The following NOVA1 variants were observed in gnomAD, a reference collection of about 807,000 sequenced individuals.
The protein encoded by NOVA1 is RNA-binding protein Nova-1.
Under a neutral mutation model 38.0 loss-of-function variants are expected in NOVA1, and 7 were observed. The ratio of observed to expected loss-of-function variants is 0.18; its 90% CI spans 0.10 to 0.35. NOVA1 has a LOEUF of 0.35. Ranked by LOEUF, NOVA1 falls within the 10% of genes least tolerant of loss-of-function variation. The pLI, the probability that NOVA1 is intolerant of heterozygous loss-of-function variation, is 1.00. For synonymous variants in NOVA1, 270 were observed against 232.5 expected, an observed-to-expected ratio of 1.16 and a Z score of -1.47; for missense variants, 460 against 616.0, an observed-to-expected ratio of 0.75 and a Z score of 2.68.
At chr14:26,527,836 AC>A (rs1889413665) in intron 2 of NOVA1, among the ~76,000 whole-genome samples, 1 of 152,204 alleles carries the variant, frequency 6.6e-6, no homozygotes, top group South Asian at 2.1e-4. Flanking sequence ...GAGTAAAACT[AC>A]CCAGCAGTGA....
chr14:26,553,625 G>T (rs1013767362), intron 2 of NOVA1, among the ~76,000 whole-genome samples: 1 of 152,140 alleles, frequency 6.6e-6, no homozygotes, highest in Non-Finnish European at 1.5e-5. Context: ...CTCTGCAAAA[G>T]CAAAGAGTGT....
intron 4 of NOVA1, among the ~76,000 whole-genome samples, chr14:26,462,012 C>T (rs1044825000): frequency 1.3e-5 from 2 of 152,004 alleles, no homozygotes; most frequent in African/African-American, 4.8e-5. Context: ...AAGAGAACCT[C>T]TAACTGTATT....
intron 2 of NOVA1, among the ~76,000 whole-genome samples, chr14:26,552,838 A>AT: frequency 6.6e-6 from 1 of 151,664 alleles, no homozygotes; most frequent in East Asian, 2.0e-4. Context: ...ACTTAAATGA[A>AT]GAATGAATGA....
chr14:26,458,753 C>A (rs1685783164), intron 4 of NOVA1, among the ~76,000 whole-genome samples: 1 of 151,946 alleles, frequency 6.6e-6, no homozygotes, highest in South Asian at 2.1e-4. Flanking sequence ...CACCAAACCT[C>A]AACGACATGC....
At chr14:26,535,612 T>C (rs1890008749) in intron 2 of NOVA1, among the ~76,000 whole-genome samples, 1 of 152,066 alleles carries the variant, frequency 6.6e-6, no homozygotes, top group Admixed American at 6.5e-5. Context: ...TTATAGTATA[T>C]ATGATTATTC....
intron 2 of NOVA1, among the ~76,000 whole-genome samples, chr14:26,579,835 A>G (rs1893100450): frequency 6.6e-6 from 1 of 152,158 alleles, no homozygotes; most frequent in Non-Finnish European, 1.5e-5. Flanking sequence ...ATGAGTTAAA[A>G]TATTTAAGAC....
intron 4 of NOVA1, among the ~76,000 whole-genome samples, chr14:26,458,135 T>C (rs1035464797): frequency 5.3e-5 from 8 of 152,032 alleles, no homozygotes; most frequent in Non-Finnish European, 1.0e-4. Context: ...TGAGATATCA[T>C]CTGACACCAC....
chr14:26,537,548 A>G (rs1890190226), intron 2 of NOVA1, among the ~76,000 whole-genome samples: 1 of 152,150 alleles, frequency 6.6e-6, no homozygotes, highest in Admixed American at 6.5e-5. Context: ...CAATTGGCAA[A>G]AAGGGAAAGA....
intron 2 of NOVA1, among the ~76,000 whole-genome samples, chr14:26,576,799 T>C (rs1255080536): frequency 6.6e-6 from 1 of 151,904 alleles, no homozygotes; most frequent in African/African-American, 2.4e-5. Flanking sequence ...GATACGCATA[T>C]ACATAGTGAA....
At chr14:26,552,487 T>C (rs1473215193) in intron 2 of NOVA1, among the ~76,000 whole-genome samples, 2 of 152,154 alleles carry the variant, frequency 1.3e-5, no homozygotes, top group South Asian at 2.1e-4. Flanking sequence ...TTATACTATG[T>C]AGAACACTGG....
intron 2 of NOVA1, among the ~76,000 whole-genome samples, chr14:26,481,032 T>C (rs1885415043): frequency 6.6e-6 from 1 of 152,108 alleles, no homozygotes; most frequent in African/African-American, 2.4e-5. Context: ...TTTTATACTT[T>C]ACAGATATAC....
chr14:26,490,999 G>A (rs1378480701), intron 2 of NOVA1, among the ~76,000 whole-genome samples: 1 of 151,880 alleles, frequency 6.6e-6, no homozygotes, highest in East Asian at 1.9e-4. Flanking sequence ...ACAGGCGCCC[G>A]CCACCACGCC....
chr14:26,574,397 A>T (rs1239335437), intron 2 of NOVA1, among the ~76,000 whole-genome samples: 1 of 151,904 alleles, frequency 6.6e-6, no homozygotes, highest in Non-Finnish European at 1.5e-5. Flanking sequence ...ATTGGGAAAA[A>T]TAATAAAATT....
At chr14:26,479,864 G>A in intron 3 of NOVA1, 113 bp downstream of exon 3, 2 of 1,135,500 alleles carry the variant, frequency 1.8e-6, no homozygotes, top group Non-Finnish European at 2.5e-6. Flanking sequence ...ACTCTGGTAT[G>A]TTTTATGTGT....
chr14:26,469,266 A>G (rs1274375535), intron 4 of NOVA1, among the ~76,000 whole-genome samples: 1 of 152,152 alleles, frequency 6.6e-6, no homozygotes, highest in Non-Finnish European at 1.5e-5. Flanking sequence ...TTTAGGCAAC[A>G]AGTAACTGAG....
chr14:26,549,623 TTTG>T, intron 2 of NOVA1: 1 of 685,998 alleles, frequency 1.5e-6, no homozygotes, highest in South Asian at 1.7e-5. Context: ...TTCCCAGTTA[TTTG>T]TTATTTTCTC....
At chr14:26,584,520 C>A (rs979471848) in intron 2 of NOVA1, among the ~76,000 whole-genome samples, 17 of 151,448 alleles carry the variant, frequency 1.1e-4, no homozygotes, top group African/African-American at 4.1e-4. Flanking sequence ...CCAGTCTTTT[C>A]TTCTTTTTCA....
intron 2 of NOVA1, among the ~76,000 whole-genome samples, chr14:26,553,665 C>G (rs1891301752): frequency 6.6e-6 from 1 of 152,056 alleles, no homozygotes; most frequent in Non-Finnish European, 1.5e-5. Context: ...GGACTTGAGC[C>G]TCCAGTTGAT....
intron 2 of NOVA1, among the ~76,000 whole-genome samples, chr14:26,589,482 A>G (rs1385856889): frequency 6.6e-6 from 1 of 151,778 alleles, no homozygotes; most frequent in Non-Finnish European, 1.5e-5. Context: ...TCTTAAAAAT[A>G]TTTTTAATAT....
Sources: allele counts gnomAD v4.1 joint callset (sites outside exome capture counted in the v4.1 genomes callset), GRCh38; gene constraint gnomAD v4.1.1; transcripts MANE v1.5; gene names NCBI Gene and HGNC (gene_info 2026-07-23, HGNC 2026-07-21).